ZNF34: variants seen among roughly 807,000 people sequenced by gnomAD.
ZNF34 encodes the protein zinc finger protein 34 (KOX 32).
ZNF34 carries 8 observed loss-of-function variants against 14.4 expected under a neutral mutation model. That is an observed-to-expected ratio of 0.55 (90% CI 0.33 to 1.00). The LOEUF is 1.00. ZNF34 is among the 50% of genes least tolerant of loss of function. ZNF34 has a pLI of 0.03. For missense variants in ZNF34, 538 were observed against 674.2 expected (o/e 0.80, Z 2.24); for synonymous variants, 235 against 247.9 (o/e 0.95, Z 0.49).
rs1027221426 is a variant in ZNF34 at position 144,772,267 on chromosome 8, T to G, written c.*999A>C. Among the ~76,000 whole-genome samples, 7 of 152,236 alleles carry G rather than the reference T, an allele frequency of 4.6e-5. No individual in the cohort carries two copies. Among genetic ancestry groups the G allele is most frequent in the South Asian group, 2.1e-4 (1 of 4,828 alleles). ...ATTTATGTTCCTAGAATAGGCAAAT[T>G]CAAAGAGACAGAAAATAGAATTGAG... On this transcript the variant is annotated 3_prime_UTR_variant, in exon 6 of 6. Coordinates refer to ENST00000429371, the MANE Select transcript of ZNF34 (RefSeq NM_001286769.2).
chr8:144,786,360 G>A (rs1826236542), intron 1 of ZNF34, among the ~76,000 whole-genome samples: 1 of 150,940 alleles, frequency 6.6e-6, no homozygotes, highest in African/African-American at 2.4e-5. Flanking sequence ...GAGGCCGGGC[G>A]CAGTGGCTCA....
chr8:144,775,719 G>A (rs573363545), intron 5 of ZNF34, among the ~76,000 whole-genome samples: 111 of 152,324 alleles, frequency 7.3e-4, no homozygotes, highest in African/African-American at 2.3e-3. Flanking sequence ...GGAGCTCCTG[G>A]GGAGCGGAAA....
chr8:144,777,543 G>T lies in ZNF34; in HGVS notation c.195C>A (p.Ile65=), dbSNP rs1174098715. 1 of 1,553,602 alleles carries T rather than the reference G, an allele frequency of 6.4e-7. No individual in the cohort carries two copies. Among genetic ancestry groups the T allele is most frequent in the Admixed American group, 2.0e-5 (1 of 51,198 alleles). Reference sequence around the variant, plus strand: ...GCTCATCCCCTCGCTCCAACTGCGAGATCACTCCAGGCTTGGGGCCTGCAG... The same window carrying T: ...GCTCATCCCCTCGCTCCAACTGCGATATCACTCCAGGCTTGGGGCCTGCAG... The part of the protein sequence containing the change: ...VGPAGPKPGV[I]SQLERGDEPW... Residue 65 remains isoleucine, a synonymous_variant, in exon 5 of 6, where the codon ATC becomes ATA. Transcript: ENST00000429371. This position sits in a 1 kb window ranked among gnomAD's most constrained non-coding sequence, Gnocchi z 4.8.
intron 1 of ZNF34, among the ~76,000 whole-genome samples, chr8:144,784,856 C>T (rs943884190): frequency 6.6e-6 from 1 of 151,910 alleles, no homozygotes; most frequent in African/African-American, 2.4e-5. Context: ...GGCATGGTAG[C>T]TCACACCTGT....
At chr8:144,782,231 A>G (rs1213359928) in intron 1 of ZNF34, among the ~76,000 whole-genome samples, 1 of 152,164 alleles carries the variant, frequency 6.6e-6, no homozygotes, top group African/African-American at 2.4e-5. Flanking sequence ...CTGAGGCAGG[A>G]GAATCACTGG....
rs1826293550 is a variant in ZNF34 at position 144,787,098 on chromosome 8, C to A, written c.-108+181G>T. 2.1e-5 allele frequency among the ~76,000 whole-genome samples: 3 copies of A among 144,348 alleles called. No homozygotes were observed. In the Admixed American group the frequency reaches 2.1e-4, roughly 10 times the overall value. The allele number at this position is 144,348 out of a possible 152,430, so 94.7% of individuals were successfully genotyped here. ...CCAGGGCTGGCAGAGAGCGGCGAGG[C>A]GCAGTCCGTACTCGGGGCCTTGTCC... On this transcript the variant is annotated intron_variant, in intron 1 of 5. Coordinates refer to ENST00000429371, the MANE Select transcript of ZNF34 (RefSeq NM_001286769.2).
At position 144,779,607 on chromosome 8, in the gene ZNF34, C is replaced by A. The variant is rs1388380432; in HGVS notation, c.-55+621G>T. On this transcript the variant is annotated intron_variant, in intron 2 of 5. Coordinates refer to ENST00000429371, the MANE Select transcript of ZNF34 (RefSeq NM_001286769.2). This position sits in a 1 kb window ranked among gnomAD's most constrained non-coding sequence, Gnocchi z 4.1. ...TGATCACCCCAACAATCACACCTGG[C>A]TAATTTTTGTATTTTTTTGTACAGA... Among the ~76,000 whole-genome samples the A allele has an allele frequency of 6.6e-6, 1 of 152,118 alleles. No individual in the cohort carries two copies. The highest frequency in any genetic ancestry group is 1.9e-4 in the East Asian group (1 of 5,164).
chr8:144,777,313 G>A lies in ZNF34; in HGVS notation c.280+145C>T. Reference sequence around the variant, plus strand: ...TGCCCAGACTGAGAGGGGTCACCTGGGCTTCAGCAAAGGCCACTGTCAGGC... The same window carrying A: ...TGCCCAGACTGAGAGGGGTCACCTGAGCTTCAGCAAAGGCCACTGTCAGGC... On this transcript the variant is annotated intron_variant, in intron 5 of 5. Transcript: ENST00000429371. The surrounding 1 kb of genome is among the most constrained non-coding windows in gnomAD (Gnocchi z 4.8). 1 of 1,104,638 alleles carries A rather than the reference G, an allele frequency of 9.1e-7. No homozygotes were observed. The highest frequency in any genetic ancestry group is 2.7e-5 in the Admixed American group (1 of 36,594). The allele number at this position is 1,104,638 out of a possible 1,614,324, so 68.4% of individuals were successfully genotyped here.
At chr8:144,784,123 G>A (rs1826075146) in intron 1 of ZNF34, among the ~76,000 whole-genome samples, 1 of 150,234 alleles carries the variant, frequency 6.7e-6, no homozygotes, top group Non-Finnish European at 1.5e-5. Flanking sequence ...TCACACCACT[G>A]CACTCCATCG....
intron 1 of ZNF34, among the ~76,000 whole-genome samples, chr8:144,784,080 A>C (rs1826071386): frequency 6.6e-6 from 1 of 151,948 alleles, no homozygotes; most frequent in Admixed American, 6.6e-5. Flanking sequence ...GAATGGCGCG[A>C]ACCCGGGAGG....
chr8:144,780,997 G>C (rs962984412), intron 1 of ZNF34, among the ~76,000 whole-genome samples: 8 of 151,134 alleles, frequency 5.3e-5, no homozygotes, highest in South Asian at 2.1e-4. Flanking sequence ...TTAGCCGGGC[G>C]TGGTGGCGGG....
rs180947856 is a variant in ZNF34, at chr8:144,778,554, G to A, written c.-54-29C>T. 9.6e-4 allele frequency: 1,431 copies of A among 1,489,458 alleles called. 16 individuals are homozygous for A. The highest frequency in any genetic ancestry group is 3.6e-3 in the Middle Eastern group (18 of 5,030). The allele number at this position is 1,489,458 out of a possible 1,614,324, so 92.3% of individuals were successfully genotyped here. A position where few individuals can be genotyped will look rare whatever the true frequency, so the allele number is the denominator to read the frequency against. On this transcript the variant is annotated intron_variant, in intron 2 of 5. Coordinates refer to ENST00000429371, the MANE Select transcript of ZNF34 (RefSeq NM_001286769.2). ...AGGGAAGAGAACGCAACAAGTGGAG[G>A]CCCAGTCTGGCCCCTTCTTCCACAG...
In ZNF34 at chr8:144,774,184, G is replaced by C; in HGVS notation, c.702C>G (p.Tyr234Ter). Reference sequence around the variant, plus strand: ...CACTGTACCTGAATGTTTTCCCACAGTAACTGCAATAATGCAATTTTTTCC... The same window carrying C: ...CACTGTACCTGAATGTTTTCCCACACTAACTGCAATAATGCAATTTTTTCC... ...PTGKKLHYCS[Y>*]CGKTFRYSAN... is the part of the protein sequence containing the mutation. The change falls in exon 6 of 6, where the codon TAC (tyrosine) becomes TAG (stop). Residue 234 changes from tyrosine (Y) to a stop codon, truncating the protein, a stop_gained. Transcript: ENST00000429371. LOFTEE classifies it low-confidence loss of function (END_TRUNC). The C allele has an allele frequency of 6.2e-7, 1 of 1,613,916 alleles. No individual in the cohort carries two copies. Among genetic ancestry groups the C allele is most frequent in the Non-Finnish European group, 8.5e-7 (1 of 1,179,892 alleles).
rs770035885 is a variant in ZNF34, at chr8:144,774,551, T to C, written c.335A>G (p.Glu112Gly). The change falls in exon 6 of 6, where the codon GAG becomes GGG. Residue 112 changes from glutamate to glycine, a missense_variant. Glu to Gly is a moderately conservative substitution (Grantham distance 98, BLOSUM62 -2). This residue lies in a region of ZNF34 where 431 missense variants were observed against 525.7 expected (regional missense o/e 0.82). Transcript: ENST00000429371. ...KELTSQETFG[E>G]EDPQGSEPVE... ...TGGCTCAGATCCCTGGGGATCTTCC[T>C]CACCAAATGTCTCCTGTGAAGTCAA... 2 of 1,613,858 alleles carry C rather than the reference T, an allele frequency of 1.2e-6. No individual in the cohort carries two copies. Among genetic ancestry groups the C allele is most frequent in the African/African-American group, 1.3e-5 (1 of 74,938 alleles).
In ZNF34 at chr8:144,773,752, G is replaced by A. The variant is rs747357006; in HGVS notation, c.1134C>T (p.Gly378=). Reference sequence around the variant, plus strand: ...GGATAAGGTTAGAACTTTGTGTAAAGCCTTTGCCACATTCCTTGCACTCAA... The same window carrying A: ...GGATAAGGTTAGAACTTTGTGTAAAACCTTTGCCACATTCCTTGCACTCAA... ...KPFECKECGK[G]FTQSSNLIQH... Residue 378 remains glycine (G), a synonymous_variant, in exon 6 of 6, where the codon GGC becomes GGT. Transcript: ENST00000429371. The surrounding 1 kb of genome is among the most constrained non-coding windows in gnomAD (Gnocchi z 5.4). 4 of 1,614,032 alleles carry A rather than the reference G, an allele frequency of 2.5e-6. No homozygotes were observed. In the South Asian group the frequency reaches 4.4e-5, roughly 18 times the overall value.
rs201242886 is a variant in ZNF34, at chr8:144,773,216, G to C, written c.*50C>G. ...AAGGGCAGAGTCAGGTGCCGGGGGC[G>C]CATGCAGGAAGTGCTCAGCTGGACT... On this transcript the variant is annotated 3_prime_UTR_variant, in exon 6 of 6. Coordinates refer to ENST00000429371, the MANE Select transcript of ZNF34 (RefSeq NM_001286769.2). This position sits in a 1 kb window ranked among gnomAD's most constrained non-coding sequence, Gnocchi z 5.4. 5 of 1,533,404 alleles carry C rather than the reference G, an allele frequency of 3.3e-6. No individual in the cohort carries two copies. The South Asian group carries it at 3.8e-5, about 12-fold the overall frequency. The allele number at this position is 1,533,404 out of a possible 1,614,324, so 95.0% of individuals were successfully genotyped here.
Position 144,774,302 on chromosome 8 carries a change from A to G in ZNF34, c.584T>C (p.Val195Ala). Residue 195 changes from valine to alanine, a missense_variant, in exon 6 of 6, where the codon GTA becomes GCA. Val to Ala is a moderately conservative substitution (Grantham distance 64). Transcript: ENST00000429371. ...TGTATTTGTTTTTTTTGACCTGTGT[A>G]CACGCTTATGGTTGTTGAGATATGA... ...QRSYLNNHKR[V>A]HRSKKTNTVR... The G allele has an allele frequency of 1.2e-6, 2 of 1,613,004 alleles. No homozygotes were observed. The highest frequency in any genetic ancestry group is 1.7e-6 in the Non-Finnish European group (2 of 1,179,404).
In ZNF34 at chr8:144,782,622, G is replaced by C. The variant is rs2979091; in HGVS notation, c.-107-2342C>G. Among the ~76,000 whole-genome samples, 1,071 of 151,938 alleles carry C rather than the reference G, an allele frequency of 7.0e-3. 15 individuals carry two copies. Among genetic ancestry groups the C allele is most frequent in the African/African-American group, 0.025 (1,020 of 41,434 alleles). ...GGAGGCCAGGGCAGGTGGATCTCTT[G>C]AGCCCAGGAGTTCAAGACCAGCCTG... On this transcript the variant is annotated intron_variant, in intron 1 of 5. Coordinates refer to ENST00000429371, the MANE Select transcript of ZNF34 (RefSeq NM_001286769.2).
intron 5 of ZNF34, among the ~76,000 whole-genome samples, chr8:144,775,183 C>T (rs1244861402): frequency 6.6e-6 from 1 of 152,236 alleles, no homozygotes; most frequent in Non-Finnish European, 1.5e-5. Flanking sequence ...GGGGTCTATC[C>T]TTCCACCCCT....
Sources: allele counts gnomAD v4.1 joint callset (sites outside exome capture counted in the v4.1 genomes callset), GRCh38; gene constraint gnomAD v4.1.1; regional missense constraint gnomAD v4.1.1; non-coding constraint Gnocchi (gnomAD v3.1); transcripts MANE v1.5; gene names NCBI Gene and HGNC (gene_info 2026-07-23, HGNC 2026-07-21).